Variants in FN3K observed in about 807,000 individuals in gnomAD.
FN3K encodes fructosamine 3 kinase.
FN3K carries 24 observed loss-of-function variants against 24.8 expected under a neutral mutation model. The observed-to-expected ratio is 0.97, with a 90% CI of 0.70 to 1.36. FN3K has a LOEUF of 1.36. FN3K is among the 40% of genes most tolerant of loss of function. FN3K has a pLI of 0.00. For missense variants in FN3K, 449 were observed against 416.7 expected (o/e 1.08, Z -0.67); for synonymous variants, 192 against 175.2 (o/e 1.10, Z -0.76).
At chr17:82,735,924 C>G in intron 1 of FN3K, 147 bp downstream of exon 1, 1 of 1,049,100 alleles carries the variant, frequency 9.5e-7, no homozygotes, top group Non-Finnish European at 1.4e-6. Flanking sequence ...TGGGTGAGCC[C>G]GGCTCAAGCG....
At chr17:82,739,062 C>G (rs1206713888) in intron 2 of FN3K, among the ~76,000 whole-genome samples, 1 of 150,902 alleles carries the variant, frequency 6.6e-6, no homozygotes, top group Non-Finnish European at 1.5e-5. Context: ...ATTCTCCCAC[C>G]TCAGCCTCCT....
intron 5 of FN3K, among the ~76,000 whole-genome samples, chr17:82,750,099 T>C (rs1055346178): frequency 2.7e-5 from 4 of 149,396 alleles, no homozygotes; most frequent in African/African-American, 9.7e-5. Context: ...TGCAGACATA[T>C]ATGTGTAGCG....
In FN3K at chr17:82,735,720, C is replaced by G. The variant is rs747196242; in HGVS notation, c.84C>G (p.Gly28=). The part of the protein sequence containing the change: ...GGPGAGCISE[G]RAYDTDAGPV... Reference sequence around the variant, plus strand: ...CCGGCGCCGGCTGCATCAGCGAGGGCCGAGCCTACGACACGGACGCAGGCC... The same window carrying G: ...CCGGCGCCGGCTGCATCAGCGAGGGGCGAGCCTACGACACGGACGCAGGCC... Residue 28 remains glycine, a synonymous_variant, in exon 1 of 6, where the codon GGC becomes GGG. Coordinates refer to ENST00000300784, the MANE Select transcript of FN3K (RefSeq NM_022158.4). 4 of 1,554,914 alleles carry G rather than the reference C, an allele frequency of 2.6e-6. No individual in the cohort carries two copies. In the Admixed American group the frequency reaches 7.8e-5, roughly 30 times the overall value.
Position 82,750,785 on chromosome 17 carries a change from GTCCCCGTCTCCGTC to G in FN3K, c.*39_*52del, listed in dbSNP as rs751095759. ...CCCTGCCCTCCCTTCCCCTGTCCCC[GTCCCCGTCTCCGTC>G]TCCCCGTCCCTGTCCCCCCGTCCCC... On this transcript the variant is annotated 3_prime_UTR_variant, in exon 6 of 6. Coordinates refer to ENST00000300784, the MANE Select transcript of FN3K (RefSeq NM_022158.4). 2.5e-3 allele frequency: 3,832 copies of G among 1,511,646 alleles called. 97 individuals carry two copies. The African/African-American group carries it at 0.057, about 23-fold the overall frequency. The allele number at this position is 1,511,646 out of a possible 1,614,324, so 93.6% of individuals were successfully genotyped here. A position where few individuals can be genotyped will look rare whatever the true frequency, so the allele number is the denominator to read the frequency against.
intron 4 of FN3K, among the ~76,000 whole-genome samples, chr17:82,745,962 C>T (rs541611086): frequency 8.4e-4 from 128 of 152,084 alleles, no homozygotes; most frequent in East Asian, 2.1e-3. Flanking sequence ...GGCATGGTGG[C>T]GGGCGCCTGT....
At chr17:82,745,966 C>T (rs561476265) in intron 4 of FN3K, among the ~76,000 whole-genome samples, 22 of 151,870 alleles carry the variant, frequency 1.4e-4, no homozygotes, top group African/African-American at 2.2e-4. Flanking sequence ...TGGTGGCGGG[C>T]GCCTGTAGTC....
At position 82,748,898 on chromosome 17, in the gene FN3K, A is replaced by AC. The variant is rs778085110; in HGVS notation, c.514dup (p.Arg172ProfsTer10). 6.2e-6 allele frequency: 10 copies of AC among 1,613,748 alleles called. No individual in the cohort carries two copies. Among genetic ancestry groups the AC allele is most frequent in the Non-Finnish European group, 7.6e-6 (9 of 1,180,024 alleles). ...GACTGGCCGACCTTTTTCGCCCGGC[A>AC]CCGGCTCCAGGCGCAGCTGGACCTC... On this transcript the variant is annotated frameshift_variant, in exon 5 of 6. Transcript: ENST00000300784. LOFTEE classifies it high-confidence loss of function.
chr17:82,750,688 A>C lies in FN3K; in HGVS notation c.863A>C (p.His288Pro). ...TACCAGCTGTTTAACTACCTGAACC[A>C]CTGGAACCACTTCGGGCGGGAGTAC... ...LLYQLFNYLN[H>P]WNHFGREYRS... Residue 288 changes from histidine (H) to proline (P), a missense_variant, in exon 6 of 6, where the codon CAC becomes CCC. Coordinates refer to ENST00000300784, the MANE Select transcript of FN3K (RefSeq NM_022158.4). The C allele has an allele frequency of 6.2e-7, 1 of 1,613,702 alleles. No homozygotes were observed. Among genetic ancestry groups the C allele is most frequent in the East Asian group, 2.2e-5 (1 of 44,864 alleles).
At chr17:82,738,316 CG>C in intron 1 of FN3K, 172 bp from the exon 2 acceptor site, 2 of 743,680 alleles carry the variant, frequency 2.7e-6, no homozygotes, top group Non-Finnish European at 2.1e-6. Context: ...TCGTCTCCGA[CG>C]GGGGGCCCCT....
intron 2 of FN3K, 47 bp from the exon 3 acceptor site, chr17:82,740,716 T>C: frequency 7.6e-7 from 1 of 1,310,448 alleles, no homozygotes; most frequent in Middle Eastern, 1.8e-4. Context: ...TGGGTGGTGT[T>C]ATTTATTATT....
chr17:82,746,116 C>G (rs2046967502), intron 4 of FN3K, among the ~76,000 whole-genome samples: 1 of 141,160 alleles, frequency 7.1e-6, no homozygotes, highest in South Asian at 2.2e-4. Flanking sequence ...AAAAAAACTA[C>G]CAAACTCTTT....
At chr17:82,742,882 A>G in intron 4 of FN3K, 1 of 360,320 alleles carries the variant, frequency 2.8e-6, no homozygotes, top group Non-Finnish European at 5.5e-6. Flanking sequence ...ACAATGACCA[A>G]GCTCTCCCTG....
intron 2 of FN3K, among the ~76,000 whole-genome samples, chr17:82,739,455 A>ATT (rs527397353): frequency 1.6e-4 from 16 of 100,202 alleles, no homozygotes; most frequent in African/African-American, 3.3e-4. Context: ...TCACGCAGCT[A>ATT]TTTTTTTTTT....
At position 82,750,595 on chromosome 17, in the gene FN3K, G is replaced by A. The variant is rs377627228; in HGVS notation, c.770G>A (p.Arg257Lys). 17 of 1,614,012 alleles carry A rather than the reference G, an allele frequency of 1.1e-5. No individual in the cohort carries two copies. The highest frequency in any genetic ancestry group is 1.2e-5 in the Non-Finnish European group (14 of 1,180,032). ...AIALMFGGFP[R>K]SFFTAYHRKI... ...GCCTTGATGTTTGGGGGGTTCCCCA[G>A]ATCCTTCTTCACCGCCTACCACCGG... Residue 257 changes from arginine to lysine, a missense_variant, in exon 6 of 6, where the codon AGA (arginine) becomes AAA (lysine). Arg to Lys is a conservative substitution (Grantham distance 26). Coordinates refer to ENST00000300784, the MANE Select transcript of FN3K (RefSeq NM_022158.4).
intron 2 of FN3K, among the ~76,000 whole-genome samples, chr17:82,739,108 T>G (rs572641101): frequency 6.6e-6 from 1 of 150,558 alleles, no homozygotes; most frequent in Non-Finnish European, 1.5e-5. Flanking sequence ...CCACCACACC[T>G]GACTAATTTT....
At chr17:82,749,589 G>A (rs550750493) in intron 5 of FN3K, 6 of 170,530 alleles carry the variant, frequency 3.5e-5, no homozygotes, top group South Asian at 1.5e-4. Flanking sequence ...ACTTGAACCC[G>A]GGAGGCGGAG....
chr17:82,744,773 T>C (rs1598342501), intron 4 of FN3K, among the ~76,000 whole-genome samples: 1 of 152,010 alleles, frequency 6.6e-6, no homozygotes, highest in Non-Finnish European at 1.5e-5. Context: ...GGGGAGAGGG[T>C]CAGCAGACAA....
chr17:82,746,878 G>A (rs1204859046), intron 4 of FN3K, among the ~76,000 whole-genome samples: 1 of 152,070 alleles, frequency 6.6e-6, no homozygotes, highest in Non-Finnish European at 1.5e-5. Context: ...AGGCTAGAGT[G>A]CAGTGGTAAG....
At position 82,735,776 on chromosome 17, in the gene FN3K, A is replaced by G; in HGVS notation, c.140A>G (p.Gln47Arg). Residue 47 changes from glutamine to arginine, a missense_variant and splice_region_variant, in exon 1 of 6, where the codon CAG (glutamine) becomes CGG (arginine). Coordinates refer to ENST00000300784, the MANE Select transcript of FN3K (RefSeq NM_022158.4). ...PVFVKVNRRT[Q>R]ARQMFEGEVA... ...TTCGTCAAAGTCAACCGCAGGACGC[A>G]GGTGCTGGCCCGTGCGCAGGCGGGG... 1 of 1,557,764 alleles carries G rather than the reference A, an allele frequency of 6.4e-7. No homozygotes were observed. Among genetic ancestry groups the G allele is most frequent in the Non-Finnish European group, 8.7e-7 (1 of 1,152,546 alleles).
Sources: gnomAD v4.1 joint callset for allele counts (sites outside exome capture counted in the v4.1 genomes callset) on GRCh38, gnomAD v4.1.1 for gene constraint, MANE v1.5 for transcripts, NCBI Gene and HGNC (gene_info 2026-07-23, HGNC 2026-07-21) for gene names.